PAWR: variants seen among roughly 807,000 people sequenced by gnomAD.
PAWR encodes the protein PRKC apoptosis WT1 regulator protein.
A neutral mutation model predicts 32.0 loss-of-function variants in PAWR; 23 were observed. The observed-to-expected ratio is 0.72, with a 90% CI of 0.52 to 1.02. PAWR has a LOEUF of 1.02. PAWR is among the 50% of genes least tolerant of loss of function. The pLI, the probability that PAWR is intolerant of heterozygous loss-of-function variation, is 0.00. For missense variants in PAWR, 457 were observed against 437.7 expected (o/e 1.04, Z -0.39); for synonymous variants, 226 against 187.1 (o/e 1.21, Z -1.70).
intron 2 of PAWR, among the ~76,000 whole-genome samples, chr12:79,684,760 CTA>C (rs1878603640): frequency 6.6e-6 from 1 of 152,178 alleles, no homozygotes; most frequent in Non-Finnish European, 1.5e-5. Context: ...CTCACTTCAT[CTA>C]TGTTCTATAA....
At chr12:79,675,864 CT>C (rs1236052889) in intron 2 of PAWR, among the ~76,000 whole-genome samples, 2 of 151,944 alleles carry the variant, frequency 1.3e-5, no homozygotes. Context: ...AATGTACCCC[CT>C]GAATCTAAAA....
intron 2 of PAWR, among the ~76,000 whole-genome samples, chr12:79,627,246 C>T (rs1875378640): frequency 6.6e-6 from 1 of 152,102 alleles, no homozygotes; most frequent in African/African-American, 2.4e-5. Context: ...TCCTCTCCAG[C>T]ACCTGTTGTT....
In PAWR at chr12:79,627,486, A is replaced by G. The variant is rs562590145; in HGVS notation, c.517-6279T>C. ...TTTGAGTTCATTGTAGGTTCTGGAT[A>G]TTAGCCCTTTGTCACATGAGTAGGT... On this transcript the variant is annotated intron_variant, in intron 2 of 6. Transcript: ENST00000328827. Among the ~76,000 whole-genome samples the G allele has an allele frequency of 6.6e-5, 10 of 152,242 alleles. No individual in the cohort carries two copies. In the East Asian group the frequency reaches 1.9e-3, roughly 29 times the overall value.
chr12:79,684,441 T>C (rs987730719), intron 2 of PAWR, among the ~76,000 whole-genome samples: 1 of 151,922 alleles, frequency 6.6e-6, no homozygotes, highest in South Asian at 2.1e-4. Context: ...CGAAACACCA[T>C]CTCTACTAAA....
At chr12:79,635,497 G>A (rs1875918641) in intron 2 of PAWR, 1 of 152,078 alleles carries the variant, frequency 6.6e-6, no homozygotes, top group Admixed American at 6.6e-5. Flanking sequence ...GTAATGTTGA[G>A]TCAGCCAGCA....
chr12:79,610,008 G>A (rs1874364516), intron 4 of PAWR, among the ~76,000 whole-genome samples: 1 of 152,184 alleles, frequency 6.6e-6, no homozygotes, highest in South Asian at 2.1e-4. Flanking sequence ...CCTGGCTCTT[G>A]CACCTGCTCA....
chr12:79,659,156 G>GCCCA lies in PAWR; in HGVS notation c.516+30572_516+30573insTGGG, dbSNP rs1191851682. 9.2e-5 allele frequency among the ~76,000 whole-genome samples: 14 copies of GCCCA among 152,024 alleles called. No individual in the cohort carries two copies. The South Asian group carries it at 2.9e-3, about 32-fold the overall frequency. On this transcript the variant is annotated intron_variant, in intron 2 of 6. Transcript: ENST00000328827. The stretch of plus-strand genomic sequence containing the variant: ...ACTAAAAGTACAAAAAACGAGCCAG[G>GCCCA]CGTGGTGGCGGGCGCCTGTAGTCCC...
At chr12:79,690,551 C>T (rs774314356) in intron 1 of PAWR, 160 bp from the exon 2 acceptor site, 14 of 316,908 alleles carry the variant, frequency 4.4e-5, no homozygotes, top group Non-Finnish European at 6.8e-5. Flanking sequence ...GTTTCTCCCA[C>T]GCACCTACAG....
chr12:79,608,896 T>C (rs1443952135), intron 4 of PAWR, among the ~76,000 whole-genome samples: 1 of 152,004 alleles, frequency 6.6e-6, no homozygotes, highest in Non-Finnish European at 1.5e-5. Flanking sequence ...AATACAAAAG[T>C]TAGCCAGGCA....
chr12:79,611,142 TTA>T (rs970027793), intron 4 of PAWR, among the ~76,000 whole-genome samples: 5 of 146,734 alleles, frequency 3.4e-5, no homozygotes, highest in African/African-American at 9.9e-5. Flanking sequence ...TATATAAAAT[TTA>T]TATATATATA....
intron 4 of PAWR, among the ~76,000 whole-genome samples, chr12:79,611,058 T>C (rs928102830): frequency 6.7e-6 from 1 of 149,824 alleles, no homozygotes; most frequent in Non-Finnish European, 1.5e-5. Context: ...TAATTCATAA[T>C]TTATAAGAGC....
At chr12:79,674,190 G>A (rs976437313) in intron 2 of PAWR, among the ~76,000 whole-genome samples, 1 of 152,022 alleles carries the variant, frequency 6.6e-6, no homozygotes, top group Non-Finnish European at 1.5e-5. Flanking sequence ...GCATGGTATT[G>A]GTATAAAAAC....
intron 2 of PAWR, among the ~76,000 whole-genome samples, chr12:79,632,361 A>ATATATAT (rs1566011212): frequency 2.4e-4 from 5 of 20,604 alleles, no homozygotes; most frequent in Non-Finnish European, 1.5e-4. Flanking sequence ...ATATATATAT[A>ATATATAT]TTTTTTTTTT....
At chr12:79,627,499 C>CA (rs1369176557) in intron 2 of PAWR, among the ~76,000 whole-genome samples, 11 of 152,170 alleles carry the variant, frequency 7.2e-5, no homozygotes, top group African/African-American at 2.4e-4. Context: ...AGCCCTTTGT[C>CA]ACATGAGTAG....
chr12:79,600,236 A>T (rs919996519), intron 4 of PAWR, among the ~76,000 whole-genome samples: 1 of 152,150 alleles, frequency 6.6e-6, no homozygotes, highest in Admixed American at 6.5e-5. Context: ...CGCACTCAAA[A>T]AAGTGTATCT....
intron 2 of PAWR, among the ~76,000 whole-genome samples, chr12:79,679,065 T>G (rs1286309937): frequency 2.6e-5 from 4 of 152,174 alleles, no homozygotes; most frequent in African/African-American, 9.7e-5. Context: ...GCCCGGCCCA[T>G]GGCCCCCTTT....
intron 6 of PAWR, among the ~76,000 whole-genome samples, chr12:79,593,858 A>T (rs1873649286): frequency 6.6e-6 from 1 of 151,518 alleles, no homozygotes; most frequent in Admixed American, 6.6e-5. Context: ...GCCCACCACC[A>T]TGCCCAGCTA....
chr12:79,684,696 AT>A (rs1878600979), intron 2 of PAWR, among the ~76,000 whole-genome samples: 1 of 152,144 alleles, frequency 6.6e-6, no homozygotes, highest in Non-Finnish European at 1.5e-5. Flanking sequence ...TTAAATAAGA[AT>A]TTTAATGCCA....
At chr12:79,677,451 C>T (rs758337762) in intron 2 of PAWR, among the ~76,000 whole-genome samples, 5 of 151,832 alleles carry the variant, frequency 3.3e-5, no homozygotes, top group Non-Finnish European at 5.9e-5. Context: ...AACATTTCTC[C>T]TTTTAAAAAA....
Sources: allele counts gnomAD v4.1 joint callset (sites outside exome capture counted in the v4.1 genomes callset), GRCh38; gene constraint gnomAD v4.1.1; transcripts MANE v1.5; gene names NCBI Gene and HGNC (gene_info 2026-07-23, HGNC 2026-07-21).